RAB3GAP2: variants seen among roughly 807,000 people sequenced by gnomAD.
RAB3GAP2 encodes the protein rab3 GTPase-activating protein non-catalytic subunit.
A neutral mutation model predicts 185.3 loss-of-function variants in RAB3GAP2; 87 were observed. The observed-to-expected ratio is 0.47, with a 90% CI of 0.39 to 0.56. The LOEUF is 0.56. Among genes scored for constraint, RAB3GAP2 ranks in the 20% least tolerant of loss-of-function variants. The pLI is 0.00. For missense variants in RAB3GAP2, 1,492 were observed against 1,638.2 expected (o/e 0.91, Z 1.54); for synonymous variants, 554 against 576.1 (o/e 0.96, Z 0.55).
In RAB3GAP2 at chr1:220,157,351, G is replaced by A. The variant is rs147081652; in HGVS notation, c.3474C>T (p.His1158=). ...KHIHYPLVEH[H]SILCSILYAV... ...CATACAAGATGGAGCACAGGATGGAGTGGTGCTCCACCAGTGGGTAGTGGA... is the reference window on the plus strand; with the variant it reads ...CATACAAGATGGAGCACAGGATGGAATGGTGCTCCACCAGTGGGTAGTGGA... Residue 1158 remains histidine, a synonymous_variant, in exon 31 of 35, where the codon CAC becomes CAT. Transcript: ENST00000358951. 3.7e-6 allele frequency: 6 copies of A among 1,613,904 alleles called. No individual in the cohort carries two copies. Among genetic ancestry groups the A allele is most frequent in the Admixed American group, 3.3e-5 (2 of 59,982 alleles).
At chr1:220,155,520 T>C (rs907902207) in intron 31 of RAB3GAP2, among the ~76,000 whole-genome samples, 1 of 152,238 alleles carries the variant, frequency 6.6e-6, no homozygotes, top group African/African-American at 2.4e-5. Flanking sequence ...CTATAGCATC[T>C]ATAATAGCAC....
At position 220,171,016 on chromosome 1, in the gene RAB3GAP2, C is replaced by A; in HGVS notation, c.2682G>T (p.Glu894Asp). Residue 894 changes from glutamate to aspartate, a missense_variant, in exon 24 of 35, where the codon GAG (glutamate) becomes GAT (aspartate). Around this residue, in one of 5 missense-constraint regions of RAB3GAP2, gnomAD observed 681 missense variants for 689.1 expected, o/e 0.99. Coordinates refer to ENST00000358951, the MANE Select transcript of RAB3GAP2 (RefSeq NM_012414.4). ...EYWKLLLKQL[E>D]DCLILQTLLH... ...GCAGAGTCTGAAGTATGAGACAATC[C>A]TCCAGCTGTTTCAGAAGGAGTTTCC... The A allele has an allele frequency of 6.2e-7, 1 of 1,614,104 alleles. No individual in the cohort carries two copies. Among genetic ancestry groups the A allele is most frequent in the Non-Finnish European group, 8.5e-7 (1 of 1,180,006 alleles).
chr1:220,239,240 C>T (rs1161956313), intron 1 of RAB3GAP2, among the ~76,000 whole-genome samples: 1 of 151,712 alleles, frequency 6.6e-6, no homozygotes, highest in African/African-American at 2.4e-5. Flanking sequence ...TTTTGTGGGG[C>T]TCAGGGGAGG....
chr1:220,219,767 C>T (rs1411303417), intron 2 of RAB3GAP2: 1 of 152,156 alleles, frequency 6.6e-6, no homozygotes, highest in East Asian at 1.9e-4. Flanking sequence ...AGGAAATGCC[C>T]TCTCTAGGCT....
At chr1:220,170,366 T>C (rs1658150763) in intron 24 of RAB3GAP2, among the ~76,000 whole-genome samples, 1 of 151,940 alleles carries the variant, frequency 6.6e-6, no homozygotes, top group African/African-American at 2.4e-5. Flanking sequence ...TGTATACCTA[T>C]GTAACAAACC....
chr1:220,242,423 G>C (rs1321452188), intron 1 of RAB3GAP2, among the ~76,000 whole-genome samples: 1 of 151,056 alleles, frequency 6.6e-6, no homozygotes, highest in Non-Finnish European at 1.5e-5. Context: ...ACAATATAGA[G>C]ACATCAACAG....
At chr1:220,263,395 CTA>C (rs1660175367) in intron 1 of RAB3GAP2, among the ~76,000 whole-genome samples, 1 of 152,068 alleles carries the variant, frequency 6.6e-6, no homozygotes, top group South Asian at 2.1e-4. Flanking sequence ...AGCTTTTCTC[CTA>C]TGTTTTATTC....
At chr1:220,249,354 G>C (rs1013341091) in intron 1 of RAB3GAP2, among the ~76,000 whole-genome samples, 1 of 152,092 alleles carries the variant, frequency 6.6e-6, no homozygotes, top group African/African-American at 2.4e-5. Context: ...TTGGGAACTG[G>C]AGAAAAGGTC....
rs114515522 is a variant in RAB3GAP2, at chr1:220,242,726, G to A, written c.116-9863C>T. Among the ~76,000 whole-genome samples the A allele has an allele frequency of 9.2e-3, 1,400 of 152,044 alleles. 25 individuals carry two copies. The highest frequency in any genetic ancestry group is 0.032 in the African/African-American group (1,309 of 41,468). On this transcript the variant is annotated intron_variant, in intron 1 of 34. Transcript: ENST00000358951. ...TTCCAACCTTGCTAAACAACTTTAC[G>A]AACCATTATTTTTTAAATGAGTAGA... is the stretch of plus-strand genomic sequence containing the variant.
chr1:220,269,303 G>T (rs934889179), intron 1 of RAB3GAP2, among the ~76,000 whole-genome samples: 1 of 152,236 alleles, frequency 6.6e-6, no homozygotes, highest in Non-Finnish European at 1.5e-5. Flanking sequence ...TGAAGCATAA[G>T]AAATAAGGGG....
chr1:220,214,134 A>T (rs1019806224), intron 2 of RAB3GAP2, among the ~76,000 whole-genome samples, 155 bp from the exon 3 acceptor site: 4 of 152,254 alleles, frequency 2.6e-5, no homozygotes, highest in African/African-American at 9.6e-5. Context: ...AAAACATGCC[A>T]AAGATGGCTG....
intron 1 of RAB3GAP2, among the ~76,000 whole-genome samples, chr1:220,269,220 G>A (rs1660288060): frequency 6.6e-6 from 1 of 152,194 alleles, no homozygotes; most frequent in Non-Finnish European, 1.5e-5. Context: ...AGCATCCAAG[G>A]CATAGACAAC....
Position 220,195,394 on chromosome 1 carries a change from T to C in RAB3GAP2, c.961-17A>G. On this transcript the variant is annotated splice_polypyrimidine_tract_variant and intron_variant, in intron 10 of 34. Coordinates refer to ENST00000358951, the MANE Select transcript of RAB3GAP2 (RefSeq NM_012414.4). ...TGTGCTTCCCTGAAAAACAGAACAT[T>C]TGAAAGAGAAAACTTAGTAGCTTAC... 6.3e-7 allele frequency: 1 copy of C among 1,592,326 alleles called. No homozygotes were observed. The highest frequency in any genetic ancestry group is 8.6e-7 in the Non-Finnish European group (1 of 1,160,808).
Position 220,241,218 on chromosome 1 carries a change from GT to G in RAB3GAP2, c.116-8356del, listed in dbSNP as rs559940246. ...GTCTGTCCTCATAAACTGAGTGTAT[GT>G]TTTTTTTCATTTAACAAGAACCTGA... On this transcript the variant is annotated intron_variant, in intron 1 of 34. Transcript: ENST00000358951. Among the ~76,000 whole-genome samples, 16 of 151,838 alleles carry G rather than the reference GT, an allele frequency of 1.1e-4. No homozygotes were observed. In the South Asian group the frequency reaches 1.7e-3, roughly 16 times the overall value.
intron 1 of RAB3GAP2, among the ~76,000 whole-genome samples, chr1:220,259,074 CAG>C (rs1391456797): frequency 6.6e-6 from 1 of 151,844 alleles, no homozygotes; most frequent in Non-Finnish European, 1.5e-5. Flanking sequence ...TGCTCAAAAT[CAG>C]AGAGGACACA....
At chr1:220,205,768 T>C in intron 8 of RAB3GAP2, 139 bp downstream of exon 8, 1 of 668,988 alleles carries the variant, frequency 1.5e-6, no homozygotes, top group South Asian at 1.8e-5. Context: ...CTCCCCTTTC[T>C]CTACAGAAGG....
rs1035160805 is a variant in RAB3GAP2, at chr1:220,150,022, T to C, written c.*1229A>G. The C allele has an allele frequency of 2.0e-5, 3 of 152,092 alleles. No homozygotes were observed. The highest frequency in any genetic ancestry group is 4.4e-5 in the Non-Finnish European group (3 of 68,010). 9.4% of individuals were successfully genotyped at this position (152,092 alleles called of 1,614,324 possible). Reference sequence around the variant, plus strand: ...CCCATAATTACACTGTATGGCTACATTCTAAAAATATACCACAATAAATAC... The same window carrying C: ...CCCATAATTACACTGTATGGCTACACTCTAAAAATATACCACAATAAATAC... On this transcript the variant is annotated 3_prime_UTR_variant, in exon 35 of 35. Transcript: ENST00000358951.
At chr1:220,218,762 T>C (rs548120870) in intron 2 of RAB3GAP2, among the ~76,000 whole-genome samples, 2 of 151,942 alleles carry the variant, frequency 1.3e-5, no homozygotes, top group Admixed American at 6.5e-5. Flanking sequence ...AGAACGATGC[T>C]AACTTGTCAC....
At chr1:220,225,252 C>T (rs2102888088) in intron 2 of RAB3GAP2, among the ~76,000 whole-genome samples, 1 of 152,232 alleles carries the variant, frequency 6.6e-6, no homozygotes, top group African/African-American at 2.4e-5. Context: ...AATTACTTAG[C>T]TGCACTTTTC....
Sources: gnomAD v4.1 joint callset for allele counts (sites outside exome capture counted in the v4.1 genomes callset) on GRCh38, gnomAD v4.1.1 for gene constraint, gnomAD v4.1.1 regional missense constraint, MANE v1.5 for transcripts, NCBI Gene and HGNC (gene_info 2026-07-23, HGNC 2026-07-21) for gene names.